The following COL14A1 variants were observed in gnomAD, a reference collection of about 807,000 sequenced individuals.
COL14A1 encodes collagen type XIV alpha 1 chain, also known as collagen alpha-1(XIV) chain.
A neutral mutation model predicts 230.3 loss-of-function variants in COL14A1; 136 were observed. The observed-to-expected ratio is 0.59, with a 90% CI of 0.51 to 0.68. The LOEUF (loss-of-function observed/expected upper bound fraction) is 0.68. Among genes scored for constraint, COL14A1 ranks in the 30% least tolerant of loss-of-function variants. The pLI is 0.00. For synonymous variants in COL14A1, 792 were observed against 784.1 expected, an observed-to-expected ratio of 1.01 and a Z score of -0.17; for missense variants, 1,976 against 2,215.8, an observed-to-expected ratio of 0.89 and a Z score of 2.17.
At chr8:120,128,875 G>A (rs971747961) in intron 1 of COL14A1, among the ~76,000 whole-genome samples, 13 of 152,006 alleles carry the variant, frequency 8.6e-5, no homozygotes, top group African/African-American at 2.9e-4. Flanking sequence ...ACAAAAATTG[G>A]TCCAGAGGTA....
intron 4 of COL14A1, among the ~76,000 whole-genome samples, chr8:120,164,094 TA>T (rs1232978111): frequency 6.6e-6 from 1 of 152,272 alleles, no homozygotes; most frequent in Admixed American, 6.5e-5. Flanking sequence ...CAGACTCTTT[TA>T]AAAAACCCAA....
At chr8:120,193,160 T>TC (rs1816888790) in intron 5 of COL14A1, among the ~76,000 whole-genome samples, 1 of 152,196 alleles carries the variant, frequency 6.6e-6, no homozygotes, top group Non-Finnish European at 1.5e-5. Flanking sequence ...CTCTGTTTTT[T>TC]CCCCATCTTT....
intron 12 of COL14A1, among the ~76,000 whole-genome samples, chr8:120,211,143 A>C (rs1359011764): frequency 2.0e-5 from 3 of 152,172 alleles, no homozygotes; most frequent in Non-Finnish European, 4.4e-5. Context: ...CATCCTGTTG[A>C]AGATATATAC....
intron 14 of COL14A1, among the ~76,000 whole-genome samples, chr8:120,218,476 A>C (rs528725298): frequency 6.6e-6 from 1 of 151,706 alleles, no homozygotes; most frequent in Non-Finnish European, 1.5e-5. Flanking sequence ...TGCCCAGCTA[A>C]TTTTTGCATT....
At chr8:120,141,465 A>T (rs7827802) in intron 1 of COL14A1, among the ~76,000 whole-genome samples, 6,953 of 152,098 alleles carry the variant, frequency 0.046, 523 homozygotes, top group African/African-American at 0.16. Flanking sequence ...GAATCACTTG[A>T]GTCCAACAGA....
At chr8:120,227,185 T>C in intron 16 of COL14A1, 35 bp from the exon 17 acceptor site, 4 of 1,604,160 alleles carry the variant, frequency 2.5e-6, no homozygotes, top group Non-Finnish European at 3.4e-6. Flanking sequence ...TTTTTTCAAA[T>C]AAGCATAGTT....
intron 38 of COL14A1, 69 bp from the exon 39 acceptor site, chr8:120,315,464 A>C: frequency 8.2e-7 from 1 of 1,212,862 alleles, no homozygotes; most frequent in South Asian, 1.3e-5. Context: ...TTAAATAATG[A>C]GAGAAGGAAA....
At chr8:120,298,097 G>A (rs376805351) in intron 35 of COL14A1, among the ~76,000 whole-genome samples, 61 of 151,914 alleles carry the variant, frequency 4.0e-4, no homozygotes, top group African/African-American at 1.4e-3. Flanking sequence ...TCATATCTTG[G>A]GATCACATTG....
chr8:120,176,743 G>C (rs1245653124), intron 5 of COL14A1, among the ~76,000 whole-genome samples: 3 of 152,172 alleles, frequency 2.0e-5, no homozygotes, highest in Non-Finnish European at 4.4e-5. Context: ...TTGGGGTTAA[G>C]TGTGGGCTAG....
chr8:120,242,601 T>G (rs1166664566), intron 19 of COL14A1, among the ~76,000 whole-genome samples: 1 of 152,160 alleles, frequency 6.6e-6, no homozygotes, highest in Non-Finnish European at 1.5e-5. Context: ...TCTTACACGT[T>G]CTTAGTGCTA....
intron 40 of COL14A1, among the ~76,000 whole-genome samples, chr8:120,328,325 C>T (rs1212852752): frequency 6.6e-6 from 1 of 152,100 alleles, no homozygotes; most frequent in Non-Finnish European, 1.5e-5. Flanking sequence ...TTTCAACCTT[C>T]CGGGCTCAAG....
At chr8:120,186,808 T>A (rs1816668383) in intron 5 of COL14A1, among the ~76,000 whole-genome samples, 2 of 152,200 alleles carry the variant, frequency 1.3e-5, no homozygotes, top group Admixed American at 1.3e-4. Context: ...TTACCTACAC[T>A]GATGTACTGT....
chr8:120,317,641 T>C (rs917248505), intron 40 of COL14A1, among the ~76,000 whole-genome samples: 6 of 152,232 alleles, frequency 3.9e-5, no homozygotes, highest in Non-Finnish European at 8.8e-5. Context: ...GTGAGTTTAT[T>C]TATCTGTGCA....
chr8:120,299,934 AG>A, intron 35 of COL14A1, among the ~76,000 whole-genome samples: 1 of 152,252 alleles, frequency 6.6e-6, no homozygotes, highest in East Asian at 1.9e-4. Context: ...CTCTATCCAA[AG>A]GGACTGATGA....
At chr8:120,321,645 A>AG (rs1254008244) in intron 40 of COL14A1, among the ~76,000 whole-genome samples, 34 of 151,066 alleles carry the variant, frequency 2.3e-4, no homozygotes, top group Admixed American at 4.6e-4. Context: ...TTGTCTCAGA[A>AG]AAAAAAAAAA....
chr8:120,293,965 TG>T (rs1477315866), intron 34 of COL14A1, among the ~76,000 whole-genome samples: 2 of 151,892 alleles, frequency 1.3e-5, no homozygotes, highest in African/African-American at 4.8e-5. Flanking sequence ...GTTCAATAGT[TG>T]ACAAGTGGTA....
intron 1 of COL14A1, among the ~76,000 whole-genome samples, chr8:120,125,563 G>C (rs1330175275): frequency 6.6e-6 from 1 of 152,114 alleles, no homozygotes; most frequent in Non-Finnish European, 1.5e-5. Context: ...AGAGGCATTG[G>C]GTGATGAGAG....
intron 4 of COL14A1, among the ~76,000 whole-genome samples, chr8:120,166,896 G>GTGTGTA (rs1815900598): frequency 6.7e-6 from 1 of 149,224 alleles, no homozygotes; most frequent in South Asian, 2.1e-4. Context: ...GTGTGTGTGT[G>GTGTGTA]TGTGTGTGTG....
chr8:120,176,520 T>C (rs1816287132), intron 5 of COL14A1, among the ~76,000 whole-genome samples: 3 of 152,182 alleles, frequency 2.0e-5, no homozygotes, highest in Admixed American at 6.5e-5. Context: ...ACCTTTCCAC[T>C]AGCTATTGTG....
Sources: allele counts gnomAD v4.1 joint callset (sites outside exome capture counted in the v4.1 genomes callset), GRCh38; gene constraint gnomAD v4.1.1; transcripts MANE v1.5; gene names NCBI Gene and HGNC (gene_info 2026-07-23, HGNC 2026-07-21).